The following PDE2A variants were observed in gnomAD, a reference collection of about 807,000 sequenced individuals.
PDE2A encodes the protein cGMP-dependent 3',5'-cyclic phosphodiesterase.
Under a neutral mutation model 133.6 loss-of-function variants are expected in PDE2A, and 53 were observed. That is an observed-to-expected ratio of 0.40 (90% CI 0.32 to 0.50). The LOEUF is 0.50. PDE2A is among the 20% of genes least tolerant of loss of function. The pLI is 0.73. For synonymous variants in PDE2A, 491 were observed against 490.2 expected (o/e 1.00, Z -0.02); for missense variants, 796 against 1,232.4 (o/e 0.65, Z 5.30).
intron 14 of PDE2A, 26 bp from the exon 15 acceptor site, chr11:72,585,619 A>T: frequency 6.2e-7 from 1 of 1,611,062 alleles, no homozygotes; most frequent in Non-Finnish European, 8.5e-7. Context: ...TGGAGATCAT[A>T]GGGGGGTCGG....
intron 2 of PDE2A, among the ~76,000 whole-genome samples, chr11:72,625,055 C>T (rs1857990317): frequency 6.6e-6 from 1 of 152,198 alleles, no homozygotes; most frequent in Non-Finnish European, 1.5e-5. Context: ...TGTTGTTGTG[C>T]TCAGAGTCCT....
intron 2 of PDE2A, among the ~76,000 whole-genome samples, chr11:72,618,901 G>A (rs964117739): frequency 4.6e-5 from 7 of 152,224 alleles, no homozygotes; most frequent in African/African-American, 9.6e-5. Context: ...CACCCAGCCC[G>A]CCAGGCAGGC....
intron 4 of PDE2A, among the ~76,000 whole-genome samples, chr11:72,602,241 C>T (rs1198701185): frequency 6.6e-6 from 1 of 152,180 alleles, no homozygotes; most frequent in African/African-American, 2.4e-5. Context: ...CATCTGAGAG[C>T]CCAAACAGCG....
At chr11:72,600,188 A>T (rs573485866) in intron 4 of PDE2A, among the ~76,000 whole-genome samples, 1 of 152,242 alleles carries the variant, frequency 6.6e-6, no homozygotes, top group Admixed American at 6.5e-5. Flanking sequence ...GAGGGATTTG[A>T]GCAGGGACGG....
intron 2 of PDE2A, among the ~76,000 whole-genome samples, chr11:72,625,671 G>T (rs1858024194): frequency 6.6e-6 from 1 of 152,126 alleles, no homozygotes; most frequent in Admixed American, 6.5e-5. Flanking sequence ...GTGGGGTTTG[G>T]AGAAAACAGG....
intron 4 of PDE2A, among the ~76,000 whole-genome samples, chr11:72,602,153 G>T (rs530873797): frequency 6.6e-6 from 1 of 152,318 alleles, no homozygotes; most frequent in East Asian, 1.9e-4. Context: ...AGCAGGGACG[G>T]TCTTTGCAAG....
intron 4 of PDE2A, chr11:72,598,429 G>A (rs1591046390): frequency 9.3e-7 from 1 of 1,080,138 alleles, no homozygotes; most frequent in Non-Finnish European, 1.3e-6. Flanking sequence ...GGTATGGGAA[G>A]AATGAGTTTC....
chr11:72,636,071 C>T (rs1404927997), intron 2 of PDE2A: 1 of 1,263,186 alleles, frequency 7.9e-7, no homozygotes, highest in South Asian at 1.3e-5. Flanking sequence ...AAGGCCAACT[C>T]CCTTAGGGTG....
At position 72,591,447 on chromosome 11, in the gene PDE2A, C is replaced by T. The variant is rs1193031487; in HGVS notation, c.490-91G>A. 5.6e-6 allele frequency: 5 copies of T among 897,696 alleles called. No homozygotes were observed. In the African/African-American group the frequency reaches 6.5e-5, roughly 12 times the overall value. 55.6% of individuals were successfully genotyped at this position (897,696 alleles called of 1,614,324 possible). On this transcript the variant is annotated intron_variant, in intron 6 of 30. Coordinates refer to ENST00000334456, the MANE Select transcript of PDE2A (RefSeq NM_002599.5). Reference sequence around the variant, plus strand: ...TCCCCATGCGCAGCACACACTGGTCCCCACCAACACATACACACTCCAGTC... The same window carrying T: ...TCCCCATGCGCAGCACACACTGGTCTCCACCAACACATACACACTCCAGTC...
intron 2 of PDE2A, among the ~76,000 whole-genome samples, chr11:72,619,896 C>A (rs1857668248): frequency 6.6e-6 from 1 of 152,168 alleles, no homozygotes; most frequent in East Asian, 1.9e-4. Context: ...TCTCTTCCCC[C>A]AGAGCTGCTG....
chr11:72,589,326 T>C, intron 11 of PDE2A, 86 bp from the exon 12 acceptor site: 1 of 993,762 alleles, frequency 1.0e-6, no homozygotes, highest in South Asian at 1.4e-5. Flanking sequence ...AATCTGGAAG[T>C]TTCAAAGAAC....
intron 6 of PDE2A, among the ~76,000 whole-genome samples, chr11:72,591,897 G>A (rs1259052849): frequency 6.6e-6 from 1 of 152,238 alleles, no homozygotes; most frequent in East Asian, 1.9e-4. Flanking sequence ...CCACTGTGAT[G>A]CAAGCCTCCA....
In PDE2A at chr11:72,622,872, T is replaced by A. The variant is rs975902598; in HGVS notation, c.145-14121A>T. ...GTATATTTTACCACAATTTAAAAAA[T>A]TTTAAGCTTAAGCAAAGGAAAATGA... On this transcript the variant is annotated intron_variant, in intron 2 of 30. Coordinates refer to ENST00000334456, the MANE Select transcript of PDE2A (RefSeq NM_002599.5). 4.6e-5 allele frequency among the ~76,000 whole-genome samples: 7 copies of A among 152,238 alleles called. No homozygotes were observed. In the South Asian group the frequency reaches 1.5e-3, roughly 32 times the overall value.
rs1856227679 is a variant in PDE2A, at chr11:72,591,069, G to A, written c.549+228C>T. The A allele has an allele frequency of 1.1e-5, 6 of 532,792 alleles. No homozygotes were observed. In the East Asian group the frequency reaches 1.8e-4, roughly 16 times the overall value. The allele number at this position is 532,792 out of a possible 1,614,324, so 33.0% of individuals were successfully genotyped here. On this transcript the variant is annotated intron_variant, in intron 7 of 30. Transcript: ENST00000334456. ...TGTGTATTTACAAGATATTTGACCA[G>A]TTTTGTTTCACCACTGCCCTAGGTC...
intron 2 of PDE2A, among the ~76,000 whole-genome samples, chr11:72,617,247 C>G (rs1857520332): frequency 6.6e-6 from 1 of 152,224 alleles, no homozygotes; most frequent in Non-Finnish European, 1.5e-5. Flanking sequence ...AAGGAGGCGG[C>G]CTGGCCTAGG....
chr11:72,611,111 C>T (rs1484816607), intron 2 of PDE2A, among the ~76,000 whole-genome samples: 21 of 152,196 alleles, frequency 1.4e-4, no homozygotes, highest in Non-Finnish European at 1.5e-5. Flanking sequence ...TCCTGAGAGG[C>T]CCTGCCCTTG....
chr11:72,601,688 G>A (rs1051783138), intron 4 of PDE2A, among the ~76,000 whole-genome samples: 1 of 152,178 alleles, frequency 6.6e-6, no homozygotes, highest in African/African-American at 2.4e-5. Context: ...GAGGAAGGCG[G>A]CAGAGCTGGG....
intron 1 of PDE2A, among the ~76,000 whole-genome samples, chr11:72,656,459 T>C (rs920567646): frequency 3.3e-5 from 5 of 152,082 alleles, no homozygotes; most frequent in African/African-American, 1.2e-4. Context: ...GCACAGAGTC[T>C]GGGCTGGGTC....
At chr11:72,629,739 G>C (rs138627347) in intron 2 of PDE2A, among the ~76,000 whole-genome samples, 1 of 151,928 alleles carries the variant, frequency 6.6e-6, no homozygotes, top group Admixed American at 6.5e-5. Flanking sequence ...AGTGAGCCTC[G>C]AGCCTGAGAC....
Sources: gnomAD v4.1 joint callset for allele counts (sites outside exome capture counted in the v4.1 genomes callset) on GRCh38, gnomAD v4.1.1 for gene constraint, MANE v1.5 for transcripts, NCBI Gene and HGNC (gene_info 2026-07-23, HGNC 2026-07-21) for gene names.